NDUFB1: variants seen among roughly 807,000 people sequenced by gnomAD.
NDUFB1 encodes the protein NADH dehydrogenase [ubiquinone] 1 beta subcomplex subunit 1.
NDUFB1 carries 6 observed loss-of-function variants against 6.7 expected under a neutral mutation model. That is an observed-to-expected ratio of 0.89 (90% CI 0.49 to 1.76). The LOEUF is 1.76. NDUFB1 is among the 40% of genes most tolerant of loss of function. The pLI, the probability that NDUFB1 is intolerant of heterozygous loss-of-function variation, is 0.01. For missense variants in NDUFB1, 56 were observed against 71.0 expected (o/e 0.79, Z 0.76); for synonymous variants, 17 against 22.9 (o/e 0.74, Z 0.74).
rs10649809 is a variant in NDUFB1 at position 92,118,988 on chromosome 14, G to GA, written c.-5-1347dup. 7.5e-3 allele frequency: 2,584 copies of GA among 344,510 alleles called. 2 individuals are homozygous for GA. Among genetic ancestry groups the GA allele is most frequent in the East Asian group, 0.018 (145 of 7,972 alleles). 21.3% of individuals were successfully genotyped at this position (344,510 alleles called of 1,614,324 possible). A position where few individuals can be genotyped will look rare whatever the true frequency, so the allele number is the denominator to read the frequency against. ...GTCTCTGTCTCAGAAAAAAAAGAAA[G>GA]AAAAAAAAAGGCAAAGGGAGAAGAA... On this transcript the variant is annotated intron_variant, in intron 1 of 2. Transcript: ENST00000605997.
chr14:92,116,333 T>A, intron 2 of NDUFB1, 104 bp from the exon 3 acceptor site: 4 of 516,802 alleles, frequency 7.7e-6, no homozygotes, highest in Non-Finnish European at 1.2e-5. Flanking sequence ...TTCATTTTCT[T>A]TTTTTTTTTT....
chr14:92,117,818 C>G, intron 1 of NDUFB1, 176 bp from the exon 2 acceptor site: 1 of 613,910 alleles, frequency 1.6e-6, no homozygotes, highest in South Asian at 2.0e-5. Flanking sequence ...GCCAACATGG[C>G]AAAACCCCAT....
chr14:92,116,271 A>G, intron 2 of NDUFB1, 42 bp from the exon 3 acceptor site: 2 of 1,553,060 alleles, frequency 1.3e-6, no homozygotes, highest in Non-Finnish European at 1.8e-6. Flanking sequence ...AAAACTGTAA[A>G]TAAAACTGTG....
At chr14:92,117,760 T>C in intron 1 of NDUFB1, 118 bp from the exon 2 acceptor site, 1 of 1,000,320 alleles carries the variant, frequency 1.0e-6, no homozygotes, top group Non-Finnish European at 1.5e-6. Context: ...CACTTTGGGA[T>C]GCTGAGGTGG....
chr14:92,121,329 T>A (rs2068760964), intron 1 of NDUFB1: 1 of 478,540 alleles, frequency 2.1e-6, no homozygotes, highest in Non-Finnish European at 3.8e-6. Context: ...CTTCCCTGCT[T>A]CAGGCCAGGC....
chr14:92,116,146 T>C lies in NDUFB1; in HGVS notation c.*47A>G. 9 of 1,533,846 alleles carry C rather than the reference T, an allele frequency of 5.9e-6. No homozygotes were observed. The highest frequency in any genetic ancestry group is 8.1e-6 in the Non-Finnish European group (9 of 1,107,744). ...CATTTCAGATTCTTCATGTTTTTAT[T>C]TCTCTCAGAACTTTAAAATGTGAAC... On this transcript the variant is annotated 3_prime_UTR_variant, in exon 3 of 3. Transcript: ENST00000605997.
intron 1 of NDUFB1, among the ~76,000 whole-genome samples, chr14:92,120,131 C>A (rs1224360845): frequency 6.6e-6 from 1 of 152,212 alleles, no homozygotes; most frequent in African/African-American, 2.4e-5. Flanking sequence ...TGTAAAAATT[C>A]GTGCATACAG....
At chr14:92,116,831 T>C (rs954585679) in intron 2 of NDUFB1, among the ~76,000 whole-genome samples, 67 of 152,346 alleles carry the variant, frequency 4.4e-4, no homozygotes, top group African/African-American at 1.6e-3. Flanking sequence ...CGAAATGTTT[T>C]CTAAACCCTT....
At position 92,121,675 on chromosome 14, in the gene NDUFB1, C is replaced by T. The variant is rs2068766856; in HGVS notation, c.-39G>A. The T allele has an allele frequency of 1.2e-6, 2 of 1,613,638 alleles. No homozygotes were observed. Among genetic ancestry groups the T allele is most frequent in the Non-Finnish European group, 8.5e-7 (1 of 1,179,964 alleles). On this transcript the variant is annotated 5_prime_UTR_variant, in exon 1 of 3. Transcript: ENST00000605997. ...TCAGCGCCTACAGCGACCCCGAGAC[C>T]AAGGGCAACAGGGAACTCAACCCGC...
At chr14:92,118,974 A>G in intron 1 of NDUFB1, 1 of 360,640 alleles carries the variant, frequency 2.8e-6, no homozygotes. Flanking sequence ...TCTCTGTCTC[A>G]GAAAAAAAAG....
At chr14:92,117,252 G>A (rs991818766) in intron 2 of NDUFB1, among the ~76,000 whole-genome samples, 4 of 152,014 alleles carry the variant, frequency 2.6e-5, no homozygotes, top group Non-Finnish European at 5.9e-5. Context: ...AATGCACTTT[G>A]AATTAAAAAA....
rs778416469 is a variant in NDUFB1 at position 92,116,202 on chromosome 14, G to A, written c.168C>T (p.Thr56=). Reference sequence around the variant, plus strand: ...ATAATCTAGCCAGTCTTTACTTCCAGGTAACTTCTTCACTGGGTTGCAATT... The same window carrying A: ...ATAATCTAGCCAGTCTTTACTTCCAAGTAACTTCTTCACTGGGTTGCAATT... ...KRELQPSEEV[T]WK is the part of the protein sequence containing the mutation. The change falls in exon 3 of 3, where the codon ACC becomes ACT. Residue 56 remains threonine, a synonymous_variant. Coordinates refer to ENST00000605997, the MANE Select transcript of NDUFB1 (RefSeq NM_004545.4). 2.5e-6 allele frequency: 4 copies of A among 1,612,786 alleles called. No individual in the cohort carries two copies. The South Asian group carries it at 4.4e-5, about 18-fold the overall frequency.
chr14:92,117,654 A>G lies in NDUFB1; in HGVS notation c.-5-12T>C. 6.2e-7 allele frequency: 1 copy of G among 1,610,632 alleles called. No individual in the cohort carries two copies. Among genetic ancestry groups the G allele is most frequent in the African/African-American group, 1.4e-5 (1 of 74,044 alleles). ...GTTCACCATGATAGCTAAAAGAAAA[A>G]AAAATTATCAGAAATACAACTGCTT... On this transcript the variant is annotated splice_polypyrimidine_tract_variant and intron_variant, in intron 1 of 2. Coordinates refer to ENST00000605997, the MANE Select transcript of NDUFB1 (RefSeq NM_004545.4).
At chr14:92,116,330 T>A in intron 2 of NDUFB1, 101 bp from the exon 3 acceptor site, 1 of 867,982 alleles carries the variant, frequency 1.2e-6, no homozygotes, top group Non-Finnish European at 1.7e-6. Context: ...TATTTCATTT[T>A]CTTTTTTTTT....
chr14:92,119,513 T>C (rs1345694863), intron 1 of NDUFB1, among the ~76,000 whole-genome samples: 1 of 152,196 alleles, frequency 6.6e-6, no homozygotes, highest in East Asian at 1.9e-4. Context: ...AAGAAACCCC[T>C]TCCTGAATTG....
At position 92,121,667 on chromosome 14, in the gene NDUFB1, C is replaced by T; in HGVS notation, c.-31G>A. ...CTGCAGCCTCAGCGCCTACAGCGAC[C>T]CCGAGACCAAGGGCAACAGGGAACT... On this transcript the variant is annotated 5_prime_UTR_variant, in exon 1 of 3. Coordinates refer to ENST00000605997, the MANE Select transcript of NDUFB1 (RefSeq NM_004545.4). The T allele has an allele frequency of 1.9e-6, 3 of 1,598,482 alleles. No individual in the cohort carries two copies. The highest frequency in any genetic ancestry group is 2.6e-6 in the Non-Finnish European group (3 of 1,174,026).
chr14:92,116,265 CTG>C (rs1180396303), intron 2 of NDUFB1, 36 bp from the exon 3 acceptor site: 1 of 1,582,324 alleles, frequency 6.3e-7, no homozygotes, highest in Non-Finnish European at 8.7e-7. Flanking sequence ...AATGGAAAAA[CTG>C]TAAATAAAAC....
intron 1 of NDUFB1, among the ~76,000 whole-genome samples, chr14:92,120,916 C>A (rs1483385166): frequency 2.6e-5 from 4 of 151,312 alleles, no homozygotes; most frequent in African/African-American, 7.3e-5. Context: ...AATCCCAGCA[C>A]TTTGGGATGC....
At chr14:92,121,604 T>C in intron 1 of NDUFB1, 38 bp downstream of exon 1, 5 of 1,610,808 alleles carry the variant, frequency 3.1e-6, no homozygotes, top group Non-Finnish European at 4.2e-6. Context: ...GTCGCCGTGA[T>C]CCTCGTCGCG....
Sources: gnomAD v4.1 joint callset for allele counts (sites outside exome capture counted in the v4.1 genomes callset) on GRCh38, gnomAD v4.1.1 for gene constraint, MANE v1.5 for transcripts, NCBI Gene and HGNC (gene_info 2026-07-23, HGNC 2026-07-21) for gene names.